The following SGCZ variants were observed in gnomAD, a reference collection of about 807,000 sequenced individuals.
The protein encoded by SGCZ is zeta-sarcoglycan.
In SGCZ, 40 loss-of-function variants were observed where a neutral mutation model predicts 41.3. The ratio of observed to expected loss-of-function variants is 0.97; its 90% CI spans 0.75 to 1.26. The LOEUF (loss-of-function observed/expected upper bound fraction) is 1.26. Ranked by LOEUF, SGCZ falls within the 50% of genes most tolerant of loss-of-function variation. SGCZ has a pLI of 0.00. For synonymous variants in SGCZ, 206 were observed against 137.5 expected, an observed-to-expected ratio of 1.50 and a Z score of -3.49; for missense variants, 552 against 369.8, an observed-to-expected ratio of 1.49 and a Z score of -4.04.
Position 14,566,887 on chromosome 8 carries a change from G to T in SGCZ, c.40-11961C>A, listed in dbSNP as rs565768468. Among the ~76,000 whole-genome samples, 724 of 152,314 alleles carry T rather than the reference G, an allele frequency of 4.8e-3. 1 individual carries two copies. Among genetic ancestry groups the T allele is most frequent in the Middle Eastern group, 0.021 (6 of 292 alleles). On this transcript the variant is annotated intron_variant, in intron 1 of 7. Transcript: ENST00000382080. Reference sequence around the variant, plus strand: ...TGCGGGCCAGTGCGAGTTCCAGGTGGGCGGCTGTGGGCTCGGCAGGCCCCA... The same window carrying T: ...TGCGGGCCAGTGCGAGTTCCAGGTGTGCGGCTGTGGGCTCGGCAGGCCCCA...
chr8:14,534,664 C>T (rs746890346), intron 2 of SGCZ, among the ~76,000 whole-genome samples: 3 of 139,668 alleles, frequency 2.1e-5, no homozygotes, highest in Non-Finnish European at 4.8e-5. Context: ...TGGCCATCTG[C>T]CTTAATGGGA....
intron 1 of SGCZ, among the ~76,000 whole-genome samples, chr8:14,626,444 C>T (rs1806456836): frequency 6.6e-6 from 1 of 151,978 alleles, no homozygotes; most frequent in Admixed American, 6.6e-5. Context: ...GTTCTTTGAA[C>T]AAATATTTGA....
At chr8:14,499,868 CT>C (rs780810071) in intron 2 of SGCZ, among the ~76,000 whole-genome samples, 40 of 151,940 alleles carry the variant, frequency 2.6e-4, no homozygotes, top group Non-Finnish European at 4.9e-4. Context: ...AAATAGTATG[CT>C]TTGAGAAACA....
At chr8:14,866,943 T>C (rs894659941) in intron 1 of SGCZ, among the ~76,000 whole-genome samples, 1 of 152,024 alleles carries the variant, frequency 6.6e-6, no homozygotes, top group Non-Finnish European at 1.5e-5. Flanking sequence ...GAGCACGCTG[T>C]TTTGTTTGTT....
intron 4 of SGCZ, among the ~76,000 whole-genome samples, chr8:14,202,340 G>A (rs1453109028): frequency 6.6e-6 from 1 of 152,086 alleles, no homozygotes; most frequent in Non-Finnish European, 1.5e-5. Flanking sequence ...CTGACATCTT[G>A]ATTTTAGCCC....
At chr8:14,582,945 G>T (rs1804940858) in intron 1 of SGCZ, among the ~76,000 whole-genome samples, 4 of 151,718 alleles carry the variant, frequency 2.6e-5, no homozygotes, top group Non-Finnish European at 4.4e-5. Flanking sequence ...TCTTTGCTAT[G>T]GTGAATAGTG....
At chr8:14,193,308 C>T (rs1330912666) in intron 4 of SGCZ, among the ~76,000 whole-genome samples, 1 of 144,236 alleles carries the variant, frequency 6.9e-6, no homozygotes, top group Admixed American at 7.3e-5. Context: ...CATCATCTCC[C>T]TCTTTCCTAT....
chr8:14,524,755 G>A (rs1051317049), intron 2 of SGCZ, among the ~76,000 whole-genome samples: 1 of 152,172 alleles, frequency 6.6e-6, no homozygotes, highest in East Asian at 1.9e-4. Context: ...ATAAGGAAAA[G>A]TGCTTCTTCT....
intron 3 of SGCZ, among the ~76,000 whole-genome samples, chr8:14,259,564 G>T (rs1388337594): frequency 7.1e-6 from 1 of 140,622 alleles, no homozygotes; most frequent in Non-Finnish European, 1.6e-5. Context: ...TTATTAAATA[G>T]GGAATCCTTT....
Position 15,068,235 on chromosome 8 carries a change from T to C in SGCZ, c.39+169350A>G, listed in dbSNP as rs544198933. 1.5e-4 allele frequency among the ~76,000 whole-genome samples: 23 copies of C among 152,356 alleles called. 1 individual carries two copies. The South Asian group carries it at 2.3e-3, about 15-fold the overall frequency. ...GTGGTAAGTCAGCCTTCCAACATCATTGTGATACTCATCCTTTGTTTCTGA... is the reference window on the plus strand; with the variant it reads ...GTGGTAAGTCAGCCTTCCAACATCACTGTGATACTCATCCTTTGTTTCTGA... On this transcript the variant is annotated intron_variant, in intron 1 of 7. Transcript: ENST00000382080.
intron 1 of SGCZ, among the ~76,000 whole-genome samples, chr8:15,053,072 C>T (rs368441141): frequency 6.6e-5 from 10 of 152,124 alleles, no homozygotes; most frequent in African/African-American, 2.2e-4. Context: ...CTAACCCAAG[C>T]TCAGTAACTG....
chr8:14,423,326 G>T (rs28701018), intron 2 of SGCZ, among the ~76,000 whole-genome samples: 44 of 150,874 alleles, frequency 2.9e-4, no homozygotes, highest in African/African-American at 9.3e-4. Context: ...AATAAAAAAA[G>T]AAAAAAAAGT....
chr8:14,620,640 A>G (rs377012472), intron 1 of SGCZ, among the ~76,000 whole-genome samples: 1 of 152,324 alleles, frequency 6.6e-6, no homozygotes, highest in South Asian at 2.1e-4. Flanking sequence ...ATACGAACAG[A>G]CACTTCTCAA....
intron 3 of SGCZ, among the ~76,000 whole-genome samples, chr8:14,285,931 C>T (rs1800606652): frequency 6.6e-6 from 1 of 151,972 alleles, no homozygotes; most frequent in African/African-American, 2.4e-5. Context: ...ATACAACATT[C>T]GCTGTAGGAA....
chr8:14,739,135 A>C (rs1799129766), intron 1 of SGCZ, among the ~76,000 whole-genome samples: 1 of 152,066 alleles, frequency 6.6e-6, no homozygotes, highest in African/African-American at 2.4e-5. Context: ...TGCGTGAGAG[A>C]GAGAATAGTT....
At chr8:14,649,487 G>A (rs1807328016) in intron 1 of SGCZ, among the ~76,000 whole-genome samples, 1 of 151,436 alleles carries the variant, frequency 6.6e-6, no homozygotes, top group African/African-American at 2.4e-5. Context: ...AACTAAAAGA[G>A]ACAGATGGCA....
At chr8:14,730,532 A>C (rs189703461) in intron 1 of SGCZ, among the ~76,000 whole-genome samples, 52 of 152,118 alleles carry the variant, frequency 3.4e-4, no homozygotes, top group African/African-American at 1.2e-3. Context: ...ATGAACTCAG[A>C]AGAAGGGAAT....
intron 2 of SGCZ, among the ~76,000 whole-genome samples, chr8:14,473,136 T>A (rs542765556): frequency 6.6e-6 from 1 of 152,140 alleles, no homozygotes; most frequent in African/African-American, 2.4e-5. Context: ...TTAGAATGAA[T>A]TAAAATCTAT....
chr8:14,357,650 G>A (rs1308145382), intron 2 of SGCZ, among the ~76,000 whole-genome samples: 2 of 152,110 alleles, frequency 1.3e-5, no homozygotes, highest in African/African-American at 2.4e-5. Context: ...GTGATAAAAT[G>A]TCAAAGGCAT....
Sources: allele counts gnomAD v4.1 joint callset (sites outside exome capture counted in the v4.1 genomes callset), GRCh38; gene constraint gnomAD v4.1.1; transcripts MANE v1.5; gene names NCBI Gene and HGNC (gene_info 2026-07-23, HGNC 2026-07-21).